GPC4: variants seen among roughly 807,000 people sequenced by gnomAD.
GPC4 encodes glypican-4.
A neutral mutation model predicts 35.0 loss-of-function variants in GPC4; 10 were observed. The ratio of observed to expected loss-of-function variants is 0.29; its 90% confidence interval spans 0.18 to 0.48. The LOEUF (loss-of-function observed/expected upper bound fraction) is 0.48. Among genes scored for constraint, GPC4 ranks in the 20% least tolerant of loss-of-function variants. The pLI, the probability that GPC4 is intolerant of heterozygous loss-of-function variation, is 0.99. For synonymous variants in GPC4, 167 were observed against 170.2 expected (o/e 0.98, Z 0.15); for missense variants, 322 against 451.3 (o/e 0.71, Z 2.60).
At chrX:133,406,791 T>C (rs188144459) in intron 1 of GPC4, among the ~76,000 whole-genome samples, 301 of 98,898 alleles carry the variant, frequency 3.0e-3, no homozygotes, top group African/African-American at 0.01. Flanking sequence ...AAAACTACCA[T>C]GGGCCAGGCA....
chrX:133,358,778 C>T (rs1448595121), intron 1 of GPC4, among the ~76,000 whole-genome samples: 1 of 111,098 alleles, frequency 9.0e-6, no homozygotes, highest in African/African-American at 3.3e-5. Flanking sequence ...GATCACCTCC[C>T]TTATACTCTC....
chrX:133,314,430 G>A (rs181794651), intron 3 of GPC4, among the ~76,000 whole-genome samples: 3 of 111,465 alleles, frequency 2.7e-5, no homozygotes, highest in Non-Finnish European at 5.6e-5. Flanking sequence ...TGACACAGTA[G>A]AGTTTTATTA....
At chrX:133,388,698 G>A (rs368654339) in intron 1 of GPC4, among the ~76,000 whole-genome samples, 12 of 110,276 alleles carry the variant, frequency 1.1e-4, no homozygotes, top group East Asian at 2.9e-4. Context: ...GGGTATCACC[G>A]TGTTAGCCAG....
chrX:133,330,895 T>C (rs1210726529), intron 2 of GPC4, among the ~76,000 whole-genome samples: 1 of 110,550 alleles, frequency 9.0e-6, no homozygotes, highest in African/African-American at 3.3e-5. Context: ...TGAGCTATGA[T>C]TACACCACTG....
intron 1 of GPC4, among the ~76,000 whole-genome samples, chrX:133,399,225 A>G (rs760723222): frequency 8.9e-6 from 1 of 112,133 alleles, no homozygotes; most frequent in South Asian, 3.8e-4. Context: ...GACCTTTCAT[A>G]AAAGCCTAAA....
At chrX:133,398,693 G>A (rs1197764073) in intron 1 of GPC4, among the ~76,000 whole-genome samples, 2 of 109,366 alleles carry the variant, frequency 1.8e-5, no homozygotes, top group East Asian at 2.9e-4. Context: ...ACTTGAACCC[G>A]GGAGGTGGAA....
chrX:133,405,983 C>T (rs988938409), intron 1 of GPC4, among the ~76,000 whole-genome samples: 2 of 112,332 alleles, frequency 1.8e-5, no homozygotes, highest in Non-Finnish European at 3.7e-5. Context: ...TTCCACATTC[C>T]CAGCTGTGTT....
rs750211070 is a variant in GPC4 at position 133,316,661 on chromosome X, A to G, written c.712-5238T>C. Among the ~76,000 whole-genome samples the G allele has an allele frequency of 4.5e-5, 5 of 112,140 alleles. No individual in the cohort carries two copies. In the East Asian group the frequency reaches 1.4e-3, roughly 32 times the overall value. On this transcript the variant is annotated intron_variant, in intron 3 of 8. Coordinates refer to ENST00000370828, the MANE Select transcript of GPC4 (RefSeq NM_001448.3). ...ATATCTCACTAGATACTTGGATGAG[A>G]TAACATTGTTTAGTAAAACAATAAT...
Position 133,324,367 on chromosome X carries a change from G to A in GPC4, c.489C>T (p.Asp163=). The change falls in exon 3 of 9, where the codon GAC becomes GAT. Residue 163 remains aspartate, a synonymous_variant. Coordinates refer to ENST00000370828, the MANE Select transcript of GPC4 (RefSeq NM_001448.3). ...GNVNLEEMLN[D]FWARLLERMF... is the part of the protein sequence containing the mutation. ...TCCGCTCCAGGAGGCGAGCCCAGAA[G>A]TCATTTAGCATTTCTTCCAGGTTCA... The A allele has an allele frequency of 8.3e-7, 1 of 1,211,652 alleles. No individual in the cohort carries two copies. Among genetic ancestry groups the A allele is most frequent in the African/African-American group, 1.7e-5 (1 of 57,816 alleles).
intron 3 of GPC4, among the ~76,000 whole-genome samples, chrX:133,313,503 T>C (rs966729792): frequency 1.8e-5 from 2 of 112,391 alleles, no homozygotes; most frequent in Admixed American, 9.4e-5. Context: ...CCAGATTTGC[T>C]GGACAGCTGA....
At chrX:133,360,730 A>G (rs752268726) in intron 1 of GPC4, among the ~76,000 whole-genome samples, 2 of 111,821 alleles carry the variant, frequency 1.8e-5, no homozygotes, top group South Asian at 7.6e-4. Flanking sequence ...AGTGAACCCA[A>G]ATCAATGACA....
At chrX:133,368,135 G>T (rs1279039866) in intron 1 of GPC4, among the ~76,000 whole-genome samples, 1 of 111,992 alleles carries the variant, frequency 8.9e-6, no homozygotes, top group Non-Finnish European at 1.9e-5. Context: ...AATGTAAAAA[G>T]AAAATTATCT....
At chrX:133,332,504 A>C in intron 2 of GPC4, among the ~76,000 whole-genome samples, 1 of 111,237 alleles carries the variant, frequency 9.0e-6, no homozygotes, top group Non-Finnish European at 1.9e-5. Flanking sequence ...GGTTCAAGTG[A>C]GTCTCCTGCC....
At chrX:133,312,638 A>AAAGAAAGG (rs1224314537) in intron 3 of GPC4, among the ~76,000 whole-genome samples, 2 of 98,548 alleles carry the variant, frequency 2.0e-5, no homozygotes, top group Admixed American at 2.1e-4. Context: ...CAAAAGAAAG[A>AAAGAAAGG]AAGAAAGGAA....
chrX:133,328,388 G>C (rs1391669316), intron 2 of GPC4, among the ~76,000 whole-genome samples: 4 of 111,165 alleles, frequency 3.6e-5, no homozygotes, highest in African/African-American at 1.3e-4. Context: ...ATCAACCAAA[G>C]CATAATAATT....
rs145211059 is a variant in GPC4 at position 133,376,600 on chromosome X, A to G, written c.161-37259T>C. On this transcript the variant is annotated intron_variant, in intron 1 of 8. Coordinates refer to ENST00000370828, the MANE Select transcript of GPC4 (RefSeq NM_001448.3). ...GTTTTCCTAGCTATAAAACACAACC[A>G]GTTCATGCACTGCAGTGGTTTATTG... Among the ~76,000 whole-genome samples the G allele has an allele frequency of 9.9e-3, 1,116 of 112,405 alleles. 8 individuals carry two copies. The highest frequency in any genetic ancestry group is 0.032 in the Middle Eastern group (7 of 217).
intron 3 of GPC4, among the ~76,000 whole-genome samples, chrX:133,312,229 T>C: frequency 9.0e-6 from 1 of 110,948 alleles, no homozygotes; most frequent in Non-Finnish European, 1.9e-5. Flanking sequence ...GTACAGGACA[T>C]GTCACTGCAT....
intron 1 of GPC4, among the ~76,000 whole-genome samples, chrX:133,376,225 C>G (rs2068632561): frequency 8.9e-6 from 1 of 112,498 alleles, no homozygotes; most frequent in Non-Finnish European, 1.9e-5. Context: ...AATGGACAGA[C>G]AGCAGGCTGA....
At chrX:133,359,286 G>A (rs1035263581) in intron 1 of GPC4, among the ~76,000 whole-genome samples, 1 of 111,460 alleles carries the variant, frequency 9.0e-6, no homozygotes, top group Admixed American at 9.6e-5. Context: ...CCTGGAGACT[G>A]GTTTAAAAAG....
Sources: gnomAD v4.1 joint callset for allele counts (sites outside exome capture counted in the v4.1 genomes callset) on GRCh38, gnomAD v4.1.1 for gene constraint, MANE v1.5 for transcripts, NCBI Gene and HGNC (gene_info 2026-07-23, HGNC 2026-07-21) for gene names.